The following NPIPA5 variants were observed in gnomAD, a reference collection of about 807,000 sequenced individuals.
NPIPA5 encodes the protein nuclear pore complex-interacting protein family member A5.
Under a neutral mutation model 21.4 loss-of-function variants are expected in NPIPA5, and 6 were observed. The ratio of observed to expected loss-of-function variants is 0.28; its 90% confidence interval spans 0.15 to 0.55. The LOEUF is 0.55. Ranked by LOEUF, NPIPA5 falls within the 20% of genes least tolerant of loss-of-function variation. NPIPA5 has a pLI of 0.93. For missense variants in NPIPA5, 99 were observed against 318.2 expected, an observed-to-expected ratio of 0.31 and a Z score of 5.24; for synonymous variants, 33 against 115.3, an observed-to-expected ratio of 0.29 and a Z score of 4.57.
At chr16:15,380,363 T>C (rs1379938294), upstream of NPIPA5, among the ~76,000 whole-genome samples, 30 of 151,636 alleles carry the variant, frequency 2.0e-4, no homozygotes, top group African/African-American at 3.6e-4. Flanking sequence ...CGCTCTGTCG[T>C]ACAGTCTGGA....
In NPIPA5 at chr16:15,363,686, AG is replaced by A. The variant is rs748070702; in HGVS notation, c.1025del (p.Pro342LeufsTer4). The A allele has an allele frequency of 6.7e-7, 1 of 1,492,804 alleles. No individual in the cohort carries two copies. The allele number at this position is 1,492,804 out of a possible 1,614,324, so 92.5% of individuals were successfully genotyped here. On this transcript the variant is annotated frameshift_variant, in exon 8 of 8. Coordinates refer to ENST00000360151, the MANE Select transcript of NPIPA5 (RefSeq NM_001277325.2). LOFTEE classifies it high-confidence loss of function. Reference protein sequence around the residue: ...PECVCSLPFHPQRMIISRN With the variant: ...PECVCSLPFHXQRMIISRN ...AGTTTCTTGAGATTATCATCCGCTGAGGGTGGAAGGGGAGTGAGCAGACACA... is the reference window on the plus strand; with the variant it reads ...AGTTTCTTGAGATTATCATCCGCTGAGGTGGAAGGGGAGTGAGCAGACACA...
chr16:15,371,370 A>G (rs180727056), intron 2 of NPIPA5, among the ~76,000 whole-genome samples: 12 of 146,570 alleles, frequency 8.2e-5, no homozygotes, highest in Non-Finnish European at 1.3e-4. Context: ...TTGAATTCCC[A>G]CCAAGATTTC....
At chr16:15,376,975 AAAAC>A (rs1055280166) in intron 1 of NPIPA5, among the ~76,000 whole-genome samples, 6 of 152,156 alleles carry the variant, frequency 3.9e-5, no homozygotes, top group Non-Finnish European at 5.9e-5. Flanking sequence ...CTCTGTCTAA[AAAAC>A]AAACAAACAA....
chr16:15,379,062 C>T (rs565577934), upstream of NPIPA5, among the ~76,000 whole-genome samples: 45 of 151,968 alleles, frequency 3.0e-4, no homozygotes, highest in African/African-American at 1.1e-3. Context: ...GCCCTGTCCT[C>T]AGCTAAACTT....
chr16:15,381,394 C>G, upstream of NPIPA5: 2 of 541,906 alleles, frequency 3.7e-6, no homozygotes, highest in Non-Finnish European at 4.7e-6. Context: ...ATCCATTTCA[C>G]TATTATTGGA....
At chr16:15,369,415 A>G (rs1369977179) in intron 4 of NPIPA5, among the ~76,000 whole-genome samples, 3 of 151,188 alleles carry the variant, frequency 2.0e-5, no homozygotes, top group African/African-American at 4.9e-5. Context: ...CCATTGCACT[A>G]CGGCCTGGGC....
chr16:15,375,902 T>C (rs2050278908), intron 1 of NPIPA5, among the ~76,000 whole-genome samples: 1 of 151,624 alleles, frequency 6.6e-6, no homozygotes, highest in Admixed American at 6.6e-5. Flanking sequence ...ATAACATTTC[T>C]ACATCAATTC....
At chr16:15,380,881 G>A (rs763533740), upstream of NPIPA5, 17 of 831,674 alleles carry the variant, frequency 2.0e-5, no homozygotes, top group Non-Finnish European at 3.1e-5. Flanking sequence ...GCTGAGACCC[G>A]GGAACTGCTC....
intron 4 of NPIPA5, among the ~76,000 whole-genome samples, chr16:15,368,339 C>T (rs560769890): frequency 1.3e-5 from 2 of 152,038 alleles, no homozygotes; most frequent in South Asian, 2.1e-4. Flanking sequence ...GCACAGACGA[C>T]CTCAATTGCA....
At chr16:15,380,598 C>T (rs1050217368), upstream of NPIPA5, among the ~76,000 whole-genome samples, 98 of 151,946 alleles carry the variant, frequency 6.4e-4, no homozygotes, top group Non-Finnish European at 1.1e-3. Flanking sequence ...GCTGGGATTA[C>T]AGGCATGAGT....
intron 4 of NPIPA5, among the ~76,000 whole-genome samples, chr16:15,368,569 A>G (rs1238032547): frequency 6.0e-5 from 9 of 150,982 alleles, no homozygotes; most frequent in Non-Finnish European, 8.9e-5. Context: ...CAAGCATTGA[A>G]TTCAACAATC....
At chr16:15,380,152 G>A (rs1426696059), upstream of NPIPA5, among the ~76,000 whole-genome samples, 1 of 151,674 alleles carries the variant, frequency 6.6e-6, no homozygotes, top group East Asian at 1.9e-4. Flanking sequence ...AACAAATGAA[G>A]GAGAATAAAA....
intron 2 of NPIPA5, among the ~76,000 whole-genome samples, chr16:15,370,465 A>T (rs975552038): frequency 1.4e-5 from 2 of 144,014 alleles, no homozygotes; most frequent in East Asian, 4.4e-4. Flanking sequence ...CACAAGAATG[A>T]CATGAGGCTG....
intron 4 of NPIPA5, among the ~76,000 whole-genome samples, chr16:15,368,429 T>A (rs1165588070): frequency 6.6e-6 from 1 of 152,112 alleles, no homozygotes; most frequent in African/African-American, 2.4e-5. Flanking sequence ...CTACTAGGTC[T>A]CAGTTCATTG....
Position 15,369,319 on chromosome 16 carries a change from G to C in NPIPA5, c.437+393C>G, listed in dbSNP as rs1018274450. Among the ~76,000 whole-genome samples, 67 of 149,996 alleles carry C rather than the reference G, an allele frequency of 4.5e-4. 1 individual carries two copies. Among genetic ancestry groups the C allele is most frequent in the African/African-American group, 1.6e-3 (64 of 40,946 alleles). On this transcript the variant is annotated intron_variant, in intron 4 of 7. Coordinates refer to ENST00000360151, the MANE Select transcript of NPIPA5 (RefSeq NM_001277325.2). ...AAAAATACAAAAATTAGCTGGGCGT[G>C]GTGGTGGGCACCTGTAATCCCAGCT...
chr16:15,370,929 C>T (rs2059350830), intron 2 of NPIPA5, among the ~76,000 whole-genome samples: 1 of 136,830 alleles, frequency 7.3e-6, no homozygotes, highest in Non-Finnish European at 1.6e-5. Flanking sequence ...CGCCTGTAGT[C>T]CCAGCTACTC....
At chr16:15,368,291 G>A (rs1407635266) in intron 4 of NPIPA5, among the ~76,000 whole-genome samples, 1 of 150,816 alleles carries the variant, frequency 6.6e-6, no homozygotes, top group Non-Finnish European at 1.5e-5. Flanking sequence ...GAATAGAGGT[G>A]GACAGGAAAT....
chr16:15,375,905 A>G (rs2050279043), intron 1 of NPIPA5, among the ~76,000 whole-genome samples: 1 of 151,438 alleles, frequency 6.6e-6, no homozygotes, highest in South Asian at 2.1e-4. Context: ...ACATTTCTAC[A>G]TCAATTCCTC....
At chr16:15,365,257 GT>G (rs989697070) in intron 7 of NPIPA5, 171 bp downstream of exon 7, 2 of 1,550,382 alleles carry the variant, frequency 1.3e-6, no homozygotes, top group Non-Finnish European at 1.7e-6. Context: ...GGATGAAGGT[GT>G]TTTTGCGCAA....
Sources: allele counts gnomAD v4.1 joint callset (sites outside exome capture counted in the v4.1 genomes callset), GRCh38; gene constraint gnomAD v4.1.1; transcripts MANE v1.5; gene names NCBI Gene and HGNC (gene_info 2026-07-23, HGNC 2026-07-21).